Variants in NAV1 observed in about 807,000 individuals in gnomAD.
NAV1 encodes pore membrane and/or filament interacting like protein 3.
A neutral mutation model predicts 175.2 loss-of-function variants in NAV1; 18 were observed. The observed-to-expected ratio is 0.10, with a 90% CI of 0.07 to 0.15. NAV1 has a LOEUF of 0.15. Among genes scored for constraint, NAV1 ranks in the 10% least tolerant of loss-of-function variants. NAV1 has a pLI of 1.00. For missense variants in NAV1, 1,731 were observed against 2,436.6 expected (o/e 0.71, Z 6.10); for synonymous variants, 897 against 978.7 (o/e 0.92, Z 1.56).
intron 1 of NAV1, among the ~76,000 whole-genome samples, chr1:201,554,515 A>T (rs1156879936): frequency 2.0e-5 from 3 of 152,184 alleles, no homozygotes; most frequent in Non-Finnish European, 4.4e-5. Flanking sequence ...AGTCTGGGCT[A>T]GGGCGGCCCT....
chr1:201,610,243 C>A (rs1283245887), intron 2 of NAV1, among the ~76,000 whole-genome samples: 1 of 152,214 alleles, frequency 6.6e-6, no homozygotes, highest in Non-Finnish European at 1.5e-5. Flanking sequence ...TTTCTCTTGG[C>A]TAATTGAAAA....
intron 7 of NAV1, among the ~76,000 whole-genome samples, chr1:201,784,567 C>G (rs1676571123): frequency 9.1e-6 from 1 of 109,730 alleles, no homozygotes; most frequent in African/African-American, 3.2e-5. Context: ...ATAATACGAT[C>G]TATTTTTTTT....
intron 3 of NAV1, among the ~76,000 whole-genome samples, chr1:201,721,006 C>T (rs781485134): frequency 6.6e-6 from 1 of 151,880 alleles, no homozygotes; most frequent in Non-Finnish European, 1.5e-5. Context: ...CCCTTTATCC[C>T]CCCTCTAACA....
rs981292354 is a variant in NAV1, at chr1:201,740,991, G to T, written c.1226+22236G>T. On this transcript the variant is annotated intron_variant, in intron 3 of 29. Transcript: ENST00000367296. This position sits in a 1 kb window ranked among gnomAD's most constrained non-coding sequence, Gnocchi z 4.7. ...ACACTCTCCTTCCCCTCAGCCTCCC[G>T]CAGACCTGGGAAGTTGGAGGTTGGG... Among the ~76,000 whole-genome samples, 4 of 151,990 alleles carry T rather than the reference G, an allele frequency of 2.6e-5. No individual in the cohort carries two copies. Among genetic ancestry groups the T allele is most frequent in the African/African-American group, 9.7e-5 (4 of 41,388 alleles).
chr1:201,554,358 G>A (rs139426189), intron 1 of NAV1, among the ~76,000 whole-genome samples: 8 of 152,276 alleles, frequency 5.3e-5, no homozygotes, highest in African/African-American at 1.2e-4. Context: ...CAGGGACCAC[G>A]TCTGTTCTGT....
chr1:201,701,907 C>T (rs769519265), intron 1 of NAV1, among the ~76,000 whole-genome samples: 7 of 152,198 alleles, frequency 4.6e-5, no homozygotes, highest in Non-Finnish European at 8.8e-5. Flanking sequence ...TGAAAACATG[C>T]ATCCATATAA....
At chr1:201,689,753 C>T (rs1299109044) in intron 1 of NAV1, among the ~76,000 whole-genome samples, 1 of 152,174 alleles carries the variant, frequency 6.6e-6, no homozygotes, top group African/African-American at 2.4e-5. Flanking sequence ...ACAACAACAA[C>T]AAAATCTCAA....
At chr1:201,803,495 G>T in intron 15 of NAV1, 98 bp from the exon 20 acceptor site, 1 of 1,282,128 alleles carries the variant, frequency 7.8e-7, no homozygotes, top group Non-Finnish European at 1.1e-6. Context: ...GGAGTTGGTT[G>T]GTTCTCCTTT....
intron 2 of NAV1, among the ~76,000 whole-genome samples, chr1:201,715,859 C>T (rs1194697657): frequency 2.0e-5 from 3 of 152,118 alleles, no homozygotes; most frequent in Non-Finnish European, 4.4e-5. Flanking sequence ...CTGGGTCAGA[C>T]TGTGGCTGGA....
At chr1:201,745,366 A>C (rs542606715) in intron 3 of NAV1, among the ~76,000 whole-genome samples, 1 of 152,340 alleles carries the variant, frequency 6.6e-6, no homozygotes, top group East Asian at 1.9e-4. Context: ...GATATATAGC[A>C]AGTATGAATT....
At chr1:201,636,588 A>C (rs10920222) in intron 2 of NAV1, among the ~76,000 whole-genome samples, 27,536 of 152,178 alleles carry the variant, frequency 0.18, 2,810 homozygotes, top group Admixed American at 0.34. Flanking sequence ...AAGGTTCAGC[A>C]AGTGTGGAGT....
intron 3 of NAV1, among the ~76,000 whole-genome samples, chr1:201,735,686 G>A (rs1673089332): frequency 6.6e-6 from 1 of 152,174 alleles, no homozygotes; most frequent in African/African-American, 2.4e-5. Context: ...CCTCACCTTA[G>A]ATCACTAGGT....
upstream of NAV1, among the ~76,000 whole-genome samples, chr1:201,643,855 C>T (rs142348941): frequency 1.3e-5 from 2 of 152,286 alleles, no homozygotes; most frequent in South Asian, 2.1e-4. Context: ...GGGTTACATC[C>T]GTTTCTAATC....
At chr1:201,648,862 A>C in exon 1 of NAV1, 4 of 1,612,044 alleles carry the variant, frequency 2.5e-6, no homozygotes, top group Non-Finnish European at 3.4e-6. Context: ...GCTGAGCTGA[A>C]GGTCTTCAAG....
At chr1:201,671,667 G>A (rs952489555) in intron 1 of NAV1, among the ~76,000 whole-genome samples, 18 of 152,190 alleles carry the variant, frequency 1.2e-4, no homozygotes, top group African/African-American at 3.4e-4. Flanking sequence ...TTGGGTGGAC[G>A]TCACTGGGAG....
rs1340720635 is a variant in NAV1, at chr1:201,623,534, G to A, written c.-173G>A. ...GGCAAGCGCCCCTCTCCCTCTCCGG[G>A]GGCCATTAGCTTCTCCTCAGTCCAT... is the stretch of plus-strand genomic sequence containing the variant. On this transcript the variant is annotated 5_prime_UTR_variant, in exon 1 of 30. Transcript: ENST00000367302. 5.1e-6 allele frequency: 5 copies of A among 986,068 alleles called. No homozygotes were observed. The African/African-American group carries it at 7.0e-5, about 14-fold the overall frequency. 61.1% of individuals were successfully genotyped at this position (986,068 alleles called of 1,614,324 possible).
chr1:201,816,972 C>T, intron 28 of NAV1, 116 bp from the exon 33 acceptor site: 2 of 887,972 alleles, frequency 2.3e-6, no homozygotes, highest in South Asian at 1.7e-5. Flanking sequence ...CTGCGCCTGG[C>T]CAGGAAGTGC....
intron 1 of NAV1, among the ~76,000 whole-genome samples, chr1:201,575,535 C>T (rs1000282387): frequency 3.9e-5 from 6 of 152,130 alleles, no homozygotes; most frequent in South Asian, 2.1e-4. Context: ...ATCAGGGAGG[C>T]GTGTCCAATG....
At chr1:201,793,571 A>C (rs963145734) in intron 13 of NAV1, 1 of 520,732 alleles carries the variant, frequency 1.9e-6, no homozygotes, top group South Asian at 2.1e-5. Flanking sequence ...CCTACCCTCA[A>C]CCTGGCTTCA....
Sources: allele counts gnomAD v4.1 joint callset (sites outside exome capture counted in the v4.1 genomes callset), GRCh38; gene constraint gnomAD v4.1.1; non-coding constraint Gnocchi (gnomAD v3.1); transcripts MANE v1.5; gene names NCBI Gene and HGNC (gene_info 2026-07-23, HGNC 2026-07-21).